The following SERPINB7 variants were observed in gnomAD, a reference collection of about 807,000 sequenced individuals.
The protein encoded by SERPINB7 is serpin B7.
In SERPINB7, 31 loss-of-function variants were observed where a neutral mutation model predicts 37.4. The ratio of observed to expected loss-of-function variants is 0.83; its 90% CI spans 0.62 to 1.12. The LOEUF (loss-of-function observed/expected upper bound fraction) is 1.12, where lower values mean the gene tolerates loss of function less well. Among genes scored for constraint, SERPINB7 ranks in the 50% most tolerant of loss-of-function variants. The probability of loss-of-function intolerance (pLI) is 0.00; values close to 1 mark genes in which losing one functional copy is unlikely to be tolerated. For synonymous variants in SERPINB7, 163 were observed against 166.1 expected (o/e 0.98, Z 0.14); for missense variants, 521 against 455.3 (o/e 1.14, Z -1.31).
intron 2 of SERPINB7, 21 bp downstream of exon 2, chr18:63,782,561 T>C: frequency 6.3e-7 from 1 of 1,575,542 alleles, no homozygotes; most frequent in South Asian, 1.2e-5. Context: ...GCTTTTGCAG[T>C]TAATCACTGG....
chr18:63,797,483 G>T (rs961178894), intron 5 of SERPINB7, among the ~76,000 whole-genome samples: 2 of 151,930 alleles, frequency 1.3e-5, no homozygotes, highest in Non-Finnish European at 2.9e-5. Context: ...TAACATAAGG[G>T]TGTCAGATTG....
intron 4 of SERPINB7, among the ~76,000 whole-genome samples, chr18:63,795,045 T>G (rs2049472502): frequency 6.6e-6 from 1 of 152,226 alleles, no homozygotes. Flanking sequence ...ATTAGATCAT[T>G]ATGACTTTTT....
intron 1 of SERPINB7, among the ~76,000 whole-genome samples, chr18:63,757,129 T>C (rs570427919): frequency 1.2e-4 from 18 of 152,308 alleles, no homozygotes; most frequent in African/African-American, 4.1e-4. Flanking sequence ...ATGAGACCTT[T>C]GTAAGATGGA....
At chr18:63,768,405 G>T (rs1011878352) in intron 1 of SERPINB7, among the ~76,000 whole-genome samples, 1 of 151,808 alleles carries the variant, frequency 6.6e-6, no homozygotes, top group Non-Finnish European at 1.5e-5. Flanking sequence ...CATGTATAAT[G>T]ATATCAGAAT....
chr18:63,803,335 G>T (rs2049570021), intron 7 of SERPINB7, among the ~76,000 whole-genome samples: 1 of 152,080 alleles, frequency 6.6e-6, no homozygotes, highest in South Asian at 2.1e-4. Flanking sequence ...GACTAAATTT[G>T]ATTGTATAAA....
intron 1 of SERPINB7, among the ~76,000 whole-genome samples, chr18:63,754,410 C>T (rs975957978): frequency 6.6e-6 from 1 of 152,126 alleles, no homozygotes; most frequent in Non-Finnish European, 1.5e-5. Flanking sequence ...TTATGTTTTC[C>T]TGTCTGAACT....
At chr18:63,772,874 A>G (rs369539206), upstream of SERPINB7, among the ~76,000 whole-genome samples, 1 of 152,292 alleles carries the variant, frequency 6.6e-6, no homozygotes, top group Non-Finnish European at 1.5e-5. Context: ...CAGAGAGATG[A>G]TAGGAAGTTC....
chr18:63,792,029 T>C (rs1280552627), intron 2 of SERPINB7, among the ~76,000 whole-genome samples: 2 of 152,234 alleles, frequency 1.3e-5, no homozygotes, highest in African/African-American at 2.4e-5. Flanking sequence ...AGTGTCAGAC[T>C]GGGAGAGCTG....
chr18:63,798,258 G>T (rs1006193795), intron 5 of SERPINB7, among the ~76,000 whole-genome samples: 2 of 152,142 alleles, frequency 1.3e-5, no homozygotes, highest in African/African-American at 2.4e-5. Context: ...AAGGCACTTT[G>T]GTACCTATGA....
At chr18:63,797,163 A>G (rs939967657) in intron 5 of SERPINB7, among the ~76,000 whole-genome samples, 1 of 152,294 alleles carries the variant, frequency 6.6e-6, no homozygotes, top group Admixed American at 6.5e-5. Context: ...TAGTTGTTTC[A>G]TTACCTAAGG....
chr18:63,773,996 G>C (rs117133574), upstream of SERPINB7, among the ~76,000 whole-genome samples: 17 of 152,064 alleles, frequency 1.1e-4, no homozygotes, highest in South Asian at 4.2e-4. Context: ...ATCCTCAGTA[G>C]GTAAGAAATA....
At chr18:63,804,150 T>G in intron 7 of SERPINB7, 87 bp from the exon 8 acceptor site, 2 of 988,052 alleles carry the variant, frequency 2.0e-6, no homozygotes, top group Non-Finnish European at 2.9e-6. Flanking sequence ...GAAGCGATAA[T>G]TATAGAAAAC....
At chr18:63,783,061 C>T (rs920157615) in intron 2 of SERPINB7, among the ~76,000 whole-genome samples, 1 of 151,692 alleles carries the variant, frequency 6.6e-6, no homozygotes, top group Non-Finnish European at 1.5e-5. Flanking sequence ...TGGCATGAAC[C>T]CGGGAGGTGG....
intron 1 of SERPINB7, among the ~76,000 whole-genome samples, chr18:63,770,019 T>C (rs2049201542): frequency 6.7e-6 from 1 of 149,548 alleles, no homozygotes; most frequent in Non-Finnish European, 1.5e-5. Flanking sequence ...GCAGTCACCA[T>C]CAAAGGATGG....
At chr18:63,767,528 C>T (rs1027330236) in intron 1 of SERPINB7, among the ~76,000 whole-genome samples, 1 of 152,068 alleles carries the variant, frequency 6.6e-6, no homozygotes, top group Admixed American at 6.6e-5. Context: ...TTTCCTCCCT[C>T]GCCTTTTCCT....
intron 6 of SERPINB7, among the ~76,000 whole-genome samples, chr18:63,800,446 A>C (rs1599022148): frequency 6.6e-6 from 1 of 152,114 alleles, no homozygotes; most frequent in East Asian, 1.9e-4. Context: ...TTTCATTTTA[A>C]TGTTATTTAG....
chr18:63,787,729 A>G (rs1391737882), intron 2 of SERPINB7, among the ~76,000 whole-genome samples: 1 of 152,210 alleles, frequency 6.6e-6, no homozygotes, highest in Non-Finnish European at 1.5e-5. Context: ...GTCTGTCTTA[A>G]GAAAAATTTT....
chr18:63,762,405 A>G (rs1568200059), intron 1 of SERPINB7, among the ~76,000 whole-genome samples: 1 of 152,126 alleles, frequency 6.6e-6, no homozygotes, highest in Non-Finnish European at 1.5e-5. Flanking sequence ...TTGATTCAGA[A>G]CTCACTTGCC....
intron 1 of SERPINB7, among the ~76,000 whole-genome samples, chr18:63,759,242 G>T (rs1433871111): frequency 6.8e-6 from 1 of 147,834 alleles, no homozygotes; most frequent in Non-Finnish European, 1.5e-5. Flanking sequence ...TTTGTAATCT[G>T]AATTAAAAAA....
Sources: gnomAD v4.1 joint callset for allele counts (sites outside exome capture counted in the v4.1 genomes callset) on GRCh38, gnomAD v4.1.1 for gene constraint, MANE v1.5 for transcripts, NCBI Gene and HGNC (gene_info 2026-07-23, HGNC 2026-07-21) for gene names.